Variants in GRAMD1B observed in about 807,000 individuals in gnomAD.
GRAMD1B encodes protein Aster-B.
A neutral mutation model predicts 99.7 loss-of-function variants in GRAMD1B; 37 were observed. The ratio of observed to expected loss-of-function variants is 0.37; its 90% confidence interval spans 0.29 to 0.49. GRAMD1B has a LOEUF of 0.49. Among genes scored for constraint, GRAMD1B ranks in the 20% least tolerant of loss-of-function variants. GRAMD1B has a pLI of 0.98. For missense variants in GRAMD1B, 888 were observed against 1,009.2 expected (o/e 0.88, Z 1.63); for synonymous variants, 427 against 387.6 (o/e 1.10, Z -1.19).
At chr11:123,478,940 T>C (rs1224329923) in intron 1 of GRAMD1B, among the ~76,000 whole-genome samples, 2 of 152,228 alleles carry the variant, frequency 1.3e-5, no homozygotes, top group East Asian at 3.8e-4. Flanking sequence ...CCAGGTTGTA[T>C]ATAAGGGGAT....
chr11:123,405,698 C>T (rs899394643), intron 1 of GRAMD1B, among the ~76,000 whole-genome samples: 95 of 152,278 alleles, frequency 6.2e-4, no homozygotes, highest in African/African-American at 2.2e-3. Flanking sequence ...CACTCTCGTT[C>T]TCTTTATGGG....
chr11:123,606,484 G>A (rs1458477255), intron 10 of GRAMD1B, 125 bp from the exon 11 acceptor site: 2 of 818,280 alleles, frequency 2.4e-6, no homozygotes, highest in East Asian at 5.3e-5. Context: ...GCCTGACTCT[G>A]ACTTCGCTCC....
At chr11:123,548,790 A>G (rs1026287910) in intron 2 of GRAMD1B, among the ~76,000 whole-genome samples, 3 of 152,128 alleles carry the variant, frequency 2.0e-5, no homozygotes, top group Admixed American at 6.5e-5. Flanking sequence ...AATTTTTTAA[A>G]TAGAATCTGG....
intron 4 of GRAMD1B, among the ~76,000 whole-genome samples, chr11:123,592,612 G>C (rs577424650): frequency 7.9e-5 from 12 of 152,190 alleles, no homozygotes; most frequent in Non-Finnish European, 1.8e-4. Flanking sequence ...GTTCTAAGAG[G>C]CTAGGGGGCC....
chr11:123,522,728 G>A (rs1053404642), intron 2 of GRAMD1B, among the ~76,000 whole-genome samples: 1 of 152,114 alleles, frequency 6.6e-6, no homozygotes, highest in Non-Finnish European at 1.5e-5. Flanking sequence ...GATGATGATC[G>A]CTCAACCCAC....
chr11:123,594,586 G>C (rs1951045399), intron 5 of GRAMD1B, 149 bp from the exon 6 acceptor site: 3 of 620,282 alleles, frequency 4.8e-6, no homozygotes, highest in Non-Finnish European at 8.7e-6. Flanking sequence ...GGACTTCCTT[G>C]GCTGCTAGTT....
chr11:123,483,714 G>A (rs1033728626), intron 2 of GRAMD1B, among the ~76,000 whole-genome samples: 13 of 152,210 alleles, frequency 8.5e-5, no homozygotes, highest in African/African-American at 2.9e-4. Flanking sequence ...TTGACTGTGG[G>A]TAACAAACCG....
intron 2 of GRAMD1B, among the ~76,000 whole-genome samples, chr11:123,487,187 T>C (rs1044269918): frequency 6.6e-6 from 1 of 152,224 alleles, no homozygotes; most frequent in Admixed American, 6.5e-5. Context: ...TACATGCCAT[T>C]ATCTGCATAT....
intron 1 of GRAMD1B, among the ~76,000 whole-genome samples, chr11:123,415,713 AT>A (rs1948212224): frequency 6.6e-6 from 1 of 152,172 alleles, no homozygotes; most frequent in Non-Finnish European, 1.5e-5. Context: ...TGTTAAAAAG[AT>A]TTAATAGCGA....
At chr11:123,456,275 C>T (rs138854833) in intron 1 of GRAMD1B, among the ~76,000 whole-genome samples, 2 of 152,290 alleles carry the variant, frequency 1.3e-5, no homozygotes, top group African/African-American at 4.8e-5. Flanking sequence ...AGCAGAAGCA[C>T]CAGAGGGTTA....
intron 1 of GRAMD1B, among the ~76,000 whole-genome samples, chr11:123,475,595 C>G (rs1371352143): frequency 6.6e-6 from 1 of 152,184 alleles, no homozygotes; most frequent in African/African-American, 2.4e-5. Flanking sequence ...ATACAAATTC[C>G]CTTCCTTGCA....
chr11:123,495,678 C>CTTTTTTTTTTTTTTTTTTTTTTTT (rs556302274), intron 2 of GRAMD1B, among the ~76,000 whole-genome samples: 1 of 114,406 alleles, frequency 8.7e-6, no homozygotes, highest in African/African-American at 3.2e-5. Flanking sequence ...CTTTCTTCTT[C>CTTTTTTTTTTTTTTTTTTTTTTTT]TTTTTTTTTT....
At chr11:123,371,789 G>A (rs921156934) in intron 1 of GRAMD1B, among the ~76,000 whole-genome samples, 3 of 152,132 alleles carry the variant, frequency 2.0e-5, no homozygotes, top group Non-Finnish European at 4.4e-5. Flanking sequence ...GGCTTGTCTT[G>A]CTAGAGTTCT....
intron 1 of GRAMD1B, among the ~76,000 whole-genome samples, chr11:123,432,322 C>T (rs1948934205): frequency 6.6e-6 from 1 of 151,858 alleles, no homozygotes; most frequent in African/African-American, 2.4e-5. Flanking sequence ...TTTGGGAGGC[C>T]GAAGCGTGTG....
intron 2 of GRAMD1B, among the ~76,000 whole-genome samples, chr11:123,494,532 C>G (rs1274315410): frequency 6.6e-6 from 1 of 151,992 alleles, no homozygotes; most frequent in African/African-American, 2.4e-5. Context: ...GCTTAGAGCT[C>G]CTCTTTAGCA....
intron 1 of GRAMD1B, among the ~76,000 whole-genome samples, chr11:123,476,377 A>C (rs1037160605): frequency 5.3e-5 from 8 of 152,344 alleles, no homozygotes; most frequent in Admixed American, 3.9e-4. Flanking sequence ...CTGGGATTAC[A>C]GGCGTGAGCC....
Position 123,451,837 on chromosome 11 carries a change from T to TTATATA in GRAMD1B, c.374+20679_374+20684dup, listed in dbSNP as rs140732433. Among the ~76,000 whole-genome samples the TTATATA allele has an allele frequency of 7.7e-3, 1,153 of 149,028 alleles. 11 individuals carry two copies. Among genetic ancestry groups the TTATATA allele is most frequent in the African/African-American group, 0.023 (906 of 40,164 alleles). On this transcript the variant is annotated intron_variant, in intron 1 of 19. Coordinates refer to ENST00000635736, the MANE Select transcript of GRAMD1B (RefSeq NM_001387025.1). Reference sequence around the variant, plus strand: ...ATTCATTCATTTGTTTGACAGCAGATTATATATATATATGTATGTATGGTG... The same window carrying TTATATA: ...ATTCATTCATTTGTTTGACAGCAGATTATATATATATATATATATGTATGTATGGTG...
chr11:123,429,425 T>C (rs1048384709), upstream of GRAMD1B, among the ~76,000 whole-genome samples: 1 of 152,114 alleles, frequency 6.6e-6, no homozygotes, highest in African/African-American at 2.4e-5. The surrounding 1 kb of genome is among the most constrained non-coding windows in gnomAD (Gnocchi z 4.0). Flanking sequence ...CTACCAGGAC[T>C]GAACCAGACT....
chr11:123,608,904 AC>A, intron 12 of GRAMD1B, 102 bp downstream of exon 12: 1 of 837,450 alleles, frequency 1.2e-6, no homozygotes, highest in Non-Finnish European at 1.9e-6. Flanking sequence ...CTTTCCACAC[AC>A]CCTCCTTCCC....
Sources: gnomAD v4.1 joint callset for allele counts (sites outside exome capture counted in the v4.1 genomes callset) on GRCh38, gnomAD v4.1.1 for gene constraint, Gnocchi (gnomAD v3.1) non-coding constraint, MANE v1.5 for transcripts, NCBI Gene and HGNC (gene_info 2026-07-23, HGNC 2026-07-21) for gene names.